The following SIM2 variants were observed in gnomAD, a reference collection of about 807,000 sequenced individuals.
SIM2 encodes the protein single-minded homolog 2.
A neutral mutation model predicts 64.8 loss-of-function variants in SIM2; 28 were observed. The observed-to-expected ratio is 0.43, with a 90% CI of 0.32 to 0.59. The LOEUF (loss-of-function observed/expected upper bound fraction) is 0.59. Among genes scored for constraint, SIM2 ranks in the 20% least tolerant of loss-of-function variants. The pLI is 0.07. For synonymous variants in SIM2, 408 were observed against 391.1 expected (o/e 1.04, Z -0.51); for missense variants, 847 against 871.4 (o/e 0.97, Z 0.35).
intron 5 of SIM2, 107 bp downstream of exon 5, chr21:36,723,237 C>A: frequency 2.3e-6 from 2 of 870,716 alleles, no homozygotes; most frequent in Non-Finnish European, 1.9e-6. Context: ...TCGTCATCCC[C>A]ACTAATGTAG....
At chr21:36,709,497 G>T in intron 2 of SIM2, 1 of 659,498 alleles carries the variant, frequency 1.5e-6, no homozygotes, top group Non-Finnish European at 2.8e-6. Flanking sequence ...GACTCCCCAG[G>T]CCACCTGAGA....
At chr21:36,741,351 G>A (rs2089155951) in intron 7 of SIM2, among the ~76,000 whole-genome samples, 1 of 152,136 alleles carries the variant, frequency 6.6e-6, no homozygotes, top group African/African-American at 2.4e-5. Context: ...TAAGGATTTG[G>A]GGATTAAAAC....
rs148964523 is a variant in SIM2 at position 36,719,770 on chromosome 21, C to T, written c.349-51C>T. 2,483 of 1,130,500 alleles carry T rather than the reference C, an allele frequency of 2.2e-3. 39 individuals are homozygous for T. In the African/African-American group the frequency reaches 0.033, roughly 15 times the overall value. The allele number at this position is 1,130,500 out of a possible 1,614,324, so 70.0% of individuals were successfully genotyped here. ...GTGACACACCTTGCCCCTCCCCCTG[C>T]GCCAATCCCAGAGAGGCGGTGGCAT... On this transcript the variant is annotated intron_variant, in intron 3 of 10. Coordinates refer to ENST00000290399, the MANE Select transcript of SIM2 (RefSeq NM_005069.6).
rs2088892412 is a variant in SIM2 at position 36,726,428 on chromosome 21, T to C, written c.743+110T>C. 5.2e-6 allele frequency: 5 copies of C among 953,624 alleles called. No homozygotes were observed. The highest frequency in any genetic ancestry group is 1.6e-5 in the African/African-American group (1 of 61,404). The allele number at this position is 953,624 out of a possible 1,614,324, so 59.1% of individuals were successfully genotyped here. On this transcript the variant is annotated intron_variant, in intron 6 of 10. Transcript: ENST00000290399. This position sits in a 1 kb window ranked among gnomAD's most constrained non-coding sequence, Gnocchi z 4.5. ...CCAAATCATAACAAGGAATAAGTCA[T>C]AATAGGAATGTGGATTAAGCAAAAC...
chr21:36,728,981 G>A (rs2088930563), intron 6 of SIM2, among the ~76,000 whole-genome samples: 1 of 152,212 alleles, frequency 6.6e-6, no homozygotes, highest in Admixed American at 6.5e-5. Flanking sequence ...TGCTAAGGAT[G>A]GGTGAACACA....
rs982689400 is a variant in SIM2, at chr21:36,745,698, T to C, written c.1576+562T>C. 34 of 1,240,930 alleles carry C rather than the reference T, an allele frequency of 2.7e-5. No individual in the cohort carries two copies. The highest frequency in any genetic ancestry group is 3.6e-5 in the Non-Finnish European group (34 of 947,104). The allele number at this position is 1,240,930 out of a possible 1,614,324, so 76.9% of individuals were successfully genotyped here. Reference sequence around the variant, plus strand: ...CCTGTAAAATGGGGTGAAGCTGTGATGTGCCTACTCCCAAGGACACGACAC... The same window carrying C: ...CCTGTAAAATGGGGTGAAGCTGTGACGTGCCTACTCCCAAGGACACGACAC... On this transcript the variant is annotated intron_variant, in intron 10 of 10. Transcript: ENST00000290399. The surrounding 1 kb of genome is among the most constrained non-coding windows in gnomAD (Gnocchi z 4.8).
chr21:36,703,489 T>A (rs1802916788), intron 1 of SIM2, among the ~76,000 whole-genome samples: 1 of 152,166 alleles, frequency 6.6e-6, no homozygotes, highest in Non-Finnish European at 1.5e-5. Flanking sequence ...GCTCCCCATA[T>A]TCCCTGGCTC....
intron 7 of SIM2, among the ~76,000 whole-genome samples, chr21:36,740,051 GAAA>G (rs2089140791): frequency 7.3e-6 from 1 of 136,722 alleles, no homozygotes; most frequent in Non-Finnish European, 1.6e-5. Flanking sequence ...AAGAAAGAAA[GAAA>G]GAAAGAGAAA....
chr21:36,709,268 G>C lies in SIM2; in HGVS notation c.258+18G>C, dbSNP rs763590107. The C allele has an allele frequency of 3.2e-6, 5 of 1,573,790 alleles. No homozygotes were observed. Among genetic ancestry groups the C allele is most frequent in the South Asian group, 1.2e-5 (1 of 86,830 alleles). On this transcript the variant is annotated intron_variant, in intron 2 of 10. Transcript: ENST00000290399. The stretch of plus-strand genomic sequence containing the variant: ...TGCTGCAGGTAGAGCGGCCTCGCCG[G>C]GGGAGGAGCGCAGCCGCCGCAGGCT...
At chr21:36,710,440 G>T (rs1405566618) in intron 2 of SIM2, 1 of 152,216 alleles carries the variant, frequency 6.6e-6, no homozygotes, top group East Asian at 1.9e-4. Flanking sequence ...GGCTGTTGGC[G>T]CTGGCTGGGG....
rs111672468 is a variant in SIM2, at chr21:36,747,934, G to A, written c.1846G>A (p.Ala616Thr). ...LARRGPLGGA[A>T]PAASGLACAP... ...CCGGCGCGGACCGCTGGGGGGCGCCGCACCCGCCGCCTCCGGCCTGGCCTG... is the reference window on the plus strand; with the variant it reads ...CCGGCGCGGACCGCTGGGGGGCGCCACACCCGCCGCCTCCGGCCTGGCCTG... The change falls in exon 11 of 11, where the codon GCA becomes ACA. Residue 616 changes from alanine to threonine, a missense_variant. This residue lies in a region of SIM2 where 447 missense variants were observed against 414.6 expected (regional missense o/e 1.08). Transcript: ENST00000290399. The surrounding 1 kb of genome is among the most constrained non-coding windows in gnomAD (Gnocchi z 4.5). 2 of 1,030,410 alleles carry A rather than the reference G, an allele frequency of 1.9e-6. No individual in the cohort carries two copies. The highest frequency in any genetic ancestry group is 5.2e-5 in the Admixed American group (1 of 19,158). 63.8% of individuals were successfully genotyped at this position (1,030,410 alleles called of 1,614,324 possible).
chr21:36,741,589 C>A, intron 7 of SIM2, 128 bp from the exon 8 acceptor site: 2 of 1,021,560 alleles, frequency 2.0e-6, no homozygotes, highest in Non-Finnish European at 2.9e-6. Context: ...CACCCTCCAG[C>A]GGAGAAAGCC....
Position 36,726,001 on chromosome 21 carries a change from A to G in SIM2, c.544-118A>G, listed in dbSNP as rs117960068. On this transcript the variant is annotated intron_variant, in intron 5 of 10. Coordinates refer to ENST00000290399, the MANE Select transcript of SIM2 (RefSeq NM_005069.6). The surrounding 1 kb of genome is among the most constrained non-coding windows in gnomAD (Gnocchi z 4.5). The stretch of plus-strand genomic sequence containing the variant: ...TGCCTGTCAGCACATTGGGCCGCAC[A>G]GTGGAGTAGAGGCTGGGCTGGGAGA... The G allele has an allele frequency of 4.3e-5, 34 of 789,322 alleles. 1 individual carries two copies. The East Asian group carries it at 8.5e-4, about 20-fold the overall frequency. 48.9% of individuals were successfully genotyped at this position (789,322 alleles called of 1,614,324 possible). A position where few individuals can be genotyped will look rare whatever the true frequency, so the allele number is the denominator to read the frequency against.
intron 7 of SIM2, among the ~76,000 whole-genome samples, chr21:36,733,812 C>T (rs1054770033): frequency 5.3e-5 from 8 of 152,144 alleles, no homozygotes; most frequent in South Asian, 2.1e-4. Flanking sequence ...CCGCCCGCCT[C>T]GGCCTCCCAT....
rs2089259465 is a variant in SIM2 at position 36,748,085 on chromosome 21, G to A, written c.1997G>A (p.Gly666Glu). 5.8e-6 allele frequency: 7 copies of A among 1,203,446 alleles called. No homozygotes were observed. The highest frequency in any genetic ancestry group is 7.2e-6 in the Non-Finnish European group (7 of 969,606). The allele number at this position is 1,203,446 out of a possible 1,614,324, so 74.5% of individuals were successfully genotyped here. A position where few individuals can be genotyped will look rare whatever the true frequency, so the allele number is the denominator to read the frequency against. Residue 666 changes from glycine to glutamate, a missense_variant, in exon 11 of 11, where the codon GGG becomes GAG. By Grantham distance (98) the Gly-to-Glu change is moderately conservative. Around this residue, in one of 3 missense-constraint regions of SIM2, gnomAD observed 447 missense variants for 414.6 expected, o/e 1.08. Coordinates refer to ENST00000290399, the MANE Select transcript of SIM2 (RefSeq NM_005069.6). ...YLGASVIITN[G>E]R is the part of the protein sequence containing the mutation. ...GGCGCCTCGGTCATCATCACCAACGGGAGGTGACCCGCTGGCCGCCCGCGC... is the reference window on the plus strand; with the variant it reads ...GGCGCCTCGGTCATCATCACCAACGAGAGGTGACCCGCTGGCCGCCCGCGC...
At chr21:36,735,618 A>G (rs983317960) in intron 7 of SIM2, among the ~76,000 whole-genome samples, 1 of 152,090 alleles carries the variant, frequency 6.6e-6, no homozygotes, top group Non-Finnish European at 1.5e-5. Context: ...TTGGCCCCAC[A>G]GAGTCCCAAC....
chr21:36,743,296 C>G (rs2089187275), intron 8 of SIM2, 91 bp from the exon 9 acceptor site: 1 of 1,148,914 alleles, frequency 8.7e-7, no homozygotes, highest in Admixed American at 2.3e-5. Context: ...CACTGGAGCA[C>G]TGAGAACGCC....
chr21:36,746,470 C>A (rs2089228761), intron 10 of SIM2: 1 of 152,218 alleles, frequency 6.6e-6, no homozygotes, highest in Non-Finnish European at 1.5e-5. Context: ...TCTGCAAATC[C>A]TAGGAATCTC....
At position 36,700,577 on chromosome 21, in the gene SIM2, C is replaced by T. The variant is rs111696960; in HGVS notation, c.175+656C>T. On this transcript the variant is annotated intron_variant, in intron 1 of 10. Coordinates refer to ENST00000290399, the MANE Select transcript of SIM2 (RefSeq NM_005069.6). ...CTTTATTTTTCCTTCATTCCTCCCT[C>T]TTTTTGTCTCTTCTGGAGGAGGTGA... Among the ~76,000 whole-genome samples the T allele has an allele frequency of 3.0e-4, 45 of 152,220 alleles. 1 individual carries two copies. Among genetic ancestry groups the T allele is most frequent in the African/African-American group, 1.1e-3 (44 of 41,512 alleles).
Sources: allele counts gnomAD v4.1 joint callset (sites outside exome capture counted in the v4.1 genomes callset), GRCh38; gene constraint gnomAD v4.1.1; regional missense constraint gnomAD v4.1.1; non-coding constraint Gnocchi (gnomAD v3.1); transcripts MANE v1.5; gene names NCBI Gene and HGNC (gene_info 2026-07-23, HGNC 2026-07-21).